Variants in MDC1 observed in about 807,000 individuals in gnomAD.
MDC1 encodes mediator of DNA damage checkpoint protein 1.
Under a neutral mutation model 142.5 loss-of-function variants are expected in MDC1, and 81 were observed. The ratio of observed to expected loss-of-function variants is 0.57; its 90% CI spans 0.47 to 0.68. The LOEUF (loss-of-function observed/expected upper bound fraction) is 0.68. Ranked by LOEUF, MDC1 falls within the 30% of genes least tolerant of loss-of-function variation. The pLI, the probability that MDC1 is intolerant of heterozygous loss-of-function variation, is 0.00. For missense variants in MDC1, 2,119 were observed against 2,547.9 expected (o/e 0.83, Z 3.62); for synonymous variants, 797 against 968.4 (o/e 0.82, Z 3.29).
In MDC1 at chr6:30,704,790, C is replaced by T; in HGVS notation, c.4393G>A (p.Val1465Ile). The change falls in exon 10 of 15, where the codon GTT becomes ATT. Residue 1465 changes from valine (V) to isoleucine (I), a missense_variant. Transcript: ENST00000376406. ...LQPSTSTDQP[V>I]TPEPTSQATR... ...GCCTGAGACGTAGGCTCAGGGGTAA[C>T]AGGCTGGTCTGTGGAGGTGGAAGGC... 6.2e-7 allele frequency: 1 copy of T among 1,612,632 alleles called. No homozygotes were observed. Among genetic ancestry groups the T allele is most frequent in the South Asian group, 1.1e-5 (1 of 91,006 alleles).
rs1273471745 is a variant in MDC1, at chr6:30,711,411, C to A, written c.2221+1G>T. On this transcript the variant is annotated splice_donor_variant, in intron 7 of 14. Transcript: ENST00000376406. LOFTEE classifies it high-confidence loss of function. ...ACAGAGGAGGGAAGAGTTTCTTATA[C>A]CTGTTGTCTGGAAGCTGCAATGGGA... 2 of 1,612,222 alleles carry A rather than the reference C, an allele frequency of 1.2e-6. No individual in the cohort carries two copies.
Position 30,707,892 on chromosome 6 carries a change from G to A in MDC1, c.2687C>T (p.Thr896Ile), listed in dbSNP as rs200978381. ...DRESLKVEIE[T>I]SEEIQEKQVQ... ...TTGTTTCTCTTGTATTTCCTCAGATGTCTCAATTTCTACCTTCAAACTCTC... is the reference window on the plus strand; with the variant it reads ...TTGTTTCTCTTGTATTTCCTCAGATATCTCAATTTCTACCTTCAAACTCTC... The change falls in exon 8 of 15, where the codon ACA becomes ATA. Residue 896 changes from threonine (T) to isoleucine (I), a missense_variant. Coordinates refer to ENST00000376406, the MANE Select transcript of MDC1 (RefSeq NM_014641.3). 2 of 1,613,046 alleles carry A rather than the reference G, an allele frequency of 1.2e-6. No homozygotes were observed. Among genetic ancestry groups the A allele is most frequent in the Non-Finnish European group, 1.7e-6 (2 of 1,180,032 alleles).
intron 6 of MDC1, 75 bp from the exon 7 acceptor site, chr6:30,711,579 C>T: frequency 6.3e-7 from 1 of 1,596,084 alleles, no homozygotes. Flanking sequence ...TCCTACCCTA[C>T]CCATACTAGC....
rs1200706667 is a variant in MDC1 at position 30,716,882 on chromosome 6, C to T, written c.-4+363G>A. The stretch of plus-strand genomic sequence containing the variant: ...AGAAAATAGCATAAATGGAATTCAC[C>T]TGAAAATATGCCACTCTAGAGGGAA... On this transcript the variant is annotated intron_variant, in intron 1 of 14. Coordinates refer to ENST00000376406, the MANE Select transcript of MDC1 (RefSeq NM_014641.3). The surrounding 1 kb of genome is among the most constrained non-coding windows in gnomAD (Gnocchi z 4.4). The T allele has an allele frequency of 1.0e-6, 1 of 982,736 alleles. No homozygotes were observed. Among genetic ancestry groups the T allele is most frequent in the African/African-American group, 1.8e-5 (1 of 57,136 alleles). The allele number at this position is 982,736 out of a possible 1,614,324, so 60.9% of individuals were successfully genotyped here.
chr6:30,710,731 A>G (rs1053718894), intron 7 of MDC1, among the ~76,000 whole-genome samples: 2 of 152,086 alleles, frequency 1.3e-5, no homozygotes, highest in Admixed American at 1.3e-4. Context: ...TCATCTGTTG[A>G]TGGACATTTA....
At chr6:30,701,076 AAAG>A (rs1772580455) in intron 14 of MDC1, among the ~76,000 whole-genome samples, 2 of 142,840 alleles carry the variant, frequency 1.4e-5, no homozygotes, top group South Asian at 2.2e-4. Flanking sequence ...CTCCATCTCA[AAAG>A]AAAAAAAAAA....
chr6:30,707,254 A>T, intron 9 of MDC1, 130 bp downstream of exon 9: 1 of 956,036 alleles, frequency 1.0e-6, no homozygotes, highest in Non-Finnish European at 1.6e-6. Flanking sequence ...GAAGCCAATC[A>T]AGGCGTGACA....
Position 30,705,693 on chromosome 6 carries a change from T to G in MDC1, c.3490A>C (p.Thr1164Pro). Residue 1164 changes from threonine (T) to proline (P), a missense_variant, in exon 10 of 15, where the codon ACA becomes CCA. Thr to Pro is a conservative substitution (Grantham distance 38, BLOSUM62 -1). Transcript: ENST00000376406. Reference sequence around the variant, plus strand: ...GTGGAAGGCTGGAGCTCAGGGGCTGTGGGGACAACTGGTTCAGGGGTCTTG... The same window carrying G: ...GTGGAAGGCTGGAGCTCAGGGGCTGGGGGGACAACTGGTTCAGGGGTCTTG... Reference protein sequence around the residue: ...SVKTPEPVVPTAPELQPSTST... With the variant: ...SVKTPEPVVPPAPELQPSTST... The G allele has an allele frequency of 6.2e-7, 1 of 1,612,500 alleles. No homozygotes were observed. Among genetic ancestry groups the G allele is most frequent in the Non-Finnish European group, 8.5e-7 (1 of 1,179,328 alleles).
In MDC1 at chr6:30,709,750, G is replaced by C. The variant is rs1774534270; in HGVS notation, c.2222-1393C>G. Among the ~76,000 whole-genome samples the C allele has an allele frequency of 1.3e-5, 2 of 152,140 alleles. No individual in the cohort carries two copies. Among genetic ancestry groups the C allele is most frequent in the Non-Finnish European group, 2.9e-5 (2 of 68,036 alleles). The stretch of plus-strand genomic sequence containing the variant: ...ATGTTTTTAGCTCCCACATGAGTGA[G>C]CATACAATATTTGCCTTTCTGTGCT... On this transcript the variant is annotated intron_variant, in intron 7 of 14. Coordinates refer to ENST00000376406, the MANE Select transcript of MDC1 (RefSeq NM_014641.3). This position sits in a 1 kb window ranked among gnomAD's most constrained non-coding sequence, Gnocchi z 4.2.
In MDC1 at chr6:30,706,620, T is replaced by A. The variant is rs557632889; in HGVS notation, c.3085-522A>T. On this transcript the variant is annotated intron_variant, in intron 9 of 14. Coordinates refer to ENST00000376406, the MANE Select transcript of MDC1 (RefSeq NM_014641.3). ...CTGGGGGACAGAGCAAGACTCTGTCTAAAAAAAAAAAAAAAAAAAAAAAAA... is the reference window on the plus strand; with the variant it reads ...CTGGGGGACAGAGCAAGACTCTGTCAAAAAAAAAAAAAAAAAAAAAAAAAA... Among the ~76,000 whole-genome samples, 101 of 42,796 alleles carry A rather than the reference T, an allele frequency of 2.4e-3. 2 individuals are homozygous for A. The highest frequency in any genetic ancestry group is 0.037 in the Middle Eastern group (2 of 54). 28.1% of individuals were successfully genotyped at this position (42,796 alleles called of 152,430 possible).
chr6:30,711,294 C>T (rs531922165), intron 7 of MDC1, 118 bp downstream of exon 7: 17 of 878,698 alleles, frequency 1.9e-5, no homozygotes, highest in South Asian at 1.5e-4. Flanking sequence ...GAGAAACCGC[C>T]TGGGAGGCGG....
In MDC1 at chr6:30,700,560, G is replaced by C. The variant is rs1772445930; in HGVS notation, c.6175C>G (p.Leu2059Val). The change falls in exon 15 of 15, where the codon CTC becomes GTC. Residue 2059 changes from leucine to valine, a missense_variant. Leu to Val is a conservative substitution (Grantham distance 32). Transcript: ENST00000376406. ...GTCAGCAGGAACTCAGGCGAGAGGAGGGGCAGCCCAACCCGTAGTGGAATG... is the reference window on the plus strand; with the variant it reads ...GTCAGCAGGAACTCAGGCGAGAGGACGGGCAGCCCAACCCGTAGTGGAATG... Reference protein sequence around the residue: ...CSIPLRVGLPLLSPEFLLTGV... With the variant: ...CSIPLRVGLPVLSPEFLLTGV... 6.2e-7 allele frequency: 1 copy of C among 1,612,840 alleles called. No homozygotes were observed. The highest frequency in any genetic ancestry group is 8.5e-7 in the Non-Finnish European group (1 of 1,180,010).
intron 7 of MDC1, among the ~76,000 whole-genome samples, chr6:30,708,980 AAAAGAAAGAAAG>A (rs140751169): frequency 0.048 from 7,357 of 151,742 alleles, 363 homozygotes; most frequent in African/African-American, 0.12. Flanking sequence ...CTGTCTCAAA[AAAAGAAAGAAAG>A]AAAGAAAGAA....
Position 30,699,960 on chromosome 6 carries a change from T to G in MDC1, c.*505A>C, listed in dbSNP as rs1483376008. ...GCCAGGAGAGAAGAAAATGTTTTAG[T>G]AGCACTCCATAACTGGACCCTCAAA... On this transcript the variant is annotated 3_prime_UTR_variant, in exon 15 of 15. Coordinates refer to ENST00000376406, the MANE Select transcript of MDC1 (RefSeq NM_014641.3). 2 of 226,236 alleles carry G rather than the reference T, an allele frequency of 8.8e-6. No homozygotes were observed. The highest frequency in any genetic ancestry group is 4.4e-5 in the African/African-American group (2 of 44,946). The allele number at this position is 226,236 out of a possible 1,614,324, so 14.0% of individuals were successfully genotyped here. A position where few individuals can be genotyped will look rare whatever the true frequency, so the allele number is the denominator to read the frequency against.
intron 9 of MDC1, among the ~76,000 whole-genome samples, chr6:30,707,147 A>G (rs938886469): frequency 6.6e-6 from 1 of 152,210 alleles, no homozygotes; most frequent in Non-Finnish European, 1.5e-5. Context: ...TGGGGCAAAG[A>G]AAGAAGAAAC....
rs889574024 is a variant in MDC1 at position 30,716,678 on chromosome 6, C to A, written c.-4+567G>T. On this transcript the variant is annotated intron_variant, in intron 1 of 14. Coordinates refer to ENST00000376406, the MANE Select transcript of MDC1 (RefSeq NM_014641.3). The surrounding 1 kb of genome is among the most constrained non-coding windows in gnomAD (Gnocchi z 4.4). ...CATTTCTGCCTTCACACTCACCCAC[C>A]TCCAGGACTGGATTAGGGGAACCGT... Among the ~76,000 whole-genome samples, 2 of 152,198 alleles carry A rather than the reference C, an allele frequency of 1.3e-5. No individual in the cohort carries two copies. The highest frequency in any genetic ancestry group is 4.8e-5 in the African/African-American group (2 of 41,450).
chr6:30,703,890 C>T lies in MDC1; in HGVS notation c.5293G>A (p.Glu1765Lys), dbSNP rs761891726. The change falls in exon 10 of 15, where the codon GAA becomes AAA. Residue 1765 changes from glutamate (E) to lysine (K), a missense_variant. Physicochemically the swap from Glu to Lys is moderately conservative, Grantham distance 56. Coordinates refer to ENST00000376406, the MANE Select transcript of MDC1 (RefSeq NM_014641.3). The surrounding 1 kb of genome is among the most constrained non-coding windows in gnomAD (Gnocchi z 4.4). ...NQRWGAVRAA[E>K]SLTAIPEPAS... is the part of the protein sequence containing the mutation. ...GGCTCAGGAATGGCTGTAAGGGATT[C>T]AGCTGCTCTCACTGCTCCCCATCTT... The T allele has an allele frequency of 4.3e-6, 7 of 1,614,054 alleles. No individual in the cohort carries two copies. The East Asian group carries it at 8.9e-5, about 21-fold the overall frequency.
chr6:30,703,049 C>A lies in MDC1; in HGVS notation c.5865+55G>T. 1 of 1,589,214 alleles carries A rather than the reference C, an allele frequency of 6.3e-7. No homozygotes were observed. Among genetic ancestry groups the A allele is most frequent in the Non-Finnish European group, 8.6e-7 (1 of 1,165,032 alleles). ...TTCCCTTCCACCACTTTCTAGGGCA[C>A]TATATGAGCAGTCTTGCCACTATAT... On this transcript the variant is annotated intron_variant, in intron 12 of 14. Coordinates refer to ENST00000376406, the MANE Select transcript of MDC1 (RefSeq NM_014641.3). The surrounding 1 kb of genome is among the most constrained non-coding windows in gnomAD (Gnocchi z 4.4).
At position 30,705,857 on chromosome 6, in the gene MDC1, G is replaced by A. The variant is rs1386319473; in HGVS notation, c.3326C>T (p.Thr1109Ile). 1 of 1,611,008 alleles carries A rather than the reference G, an allele frequency of 6.2e-7. No homozygotes were observed. Residue 1109 changes from threonine (T) to isoleucine (I), a missense_variant, in exon 10 of 15, where the codon ACT (threonine) becomes ATT (isoleucine). Transcript: ENST00000376406. ...GGGTGTCATTCTGGAGGACTTCCGA[G>A]TTCTAATTTTAGGCTTTGGGTGGAA... ...EPFHPKPKIR[T>I]RKSSRMTPFP...
Sources: allele counts gnomAD v4.1 joint callset (sites outside exome capture counted in the v4.1 genomes callset), GRCh38; gene constraint gnomAD v4.1.1; non-coding constraint Gnocchi (gnomAD v3.1); transcripts MANE v1.5; gene names NCBI Gene and HGNC (gene_info 2026-07-23, HGNC 2026-07-21).